The following SLC8A3 variants were observed in gnomAD, a reference collection of about 807,000 sequenced individuals.
SLC8A3 encodes the protein solute carrier family 8 member A3, also known as sodium/calcium exchanger 3.
A neutral mutation model predicts 65.4 loss-of-function variants in SLC8A3; 37 were observed. The ratio of observed to expected loss-of-function variants is 0.57; its 90% CI spans 0.44 to 0.74. SLC8A3 has a LOEUF of 0.74. Among genes scored for constraint, SLC8A3 ranks in the 30% least tolerant of loss-of-function variants. The pLI is 0.00. For missense variants in SLC8A3, 1,112 were observed against 1,172.1 expected, an observed-to-expected ratio of 0.95 and a Z score of 0.75; for synonymous variants, 461 against 444.5, an observed-to-expected ratio of 1.04 and a Z score of -0.47.
intron 1 of SLC8A3, among the ~76,000 whole-genome samples, chr14:70,170,132 T>A (rs577964183): frequency 6.6e-6 from 1 of 152,144 alleles, no homozygotes; most frequent in African/African-American, 2.4e-5. Flanking sequence ...CTTAAGCATA[T>A]CGCTCCCCTG....
chr14:70,101,800 T>C (rs1892569509), intron 2 of SLC8A3, among the ~76,000 whole-genome samples: 1 of 152,240 alleles, frequency 6.6e-6, no homozygotes, highest in African/African-American at 2.4e-5. Flanking sequence ...AAGCAATTAC[T>C]ACACAATTGT....
intron 3 of SLC8A3, among the ~76,000 whole-genome samples, chr14:70,056,312 G>T (rs1341388660): frequency 4.6e-5 from 7 of 152,162 alleles, no homozygotes; most frequent in Admixed American, 3.9e-4. Flanking sequence ...TGCAAGAGTG[G>T]AACAGTGCCC....
intron 2 of SLC8A3, among the ~76,000 whole-genome samples, chr14:70,071,875 T>C (rs1318218671): frequency 2.0e-5 from 3 of 152,208 alleles, no homozygotes; most frequent in Non-Finnish European, 2.9e-5. Context: ...CACCATCTAT[T>C]TTGTGAACAA....
At chr14:70,147,353 C>G (rs1269176305) in intron 2 of SLC8A3, among the ~76,000 whole-genome samples, 1 of 152,168 alleles carries the variant, frequency 6.6e-6, no homozygotes, top group East Asian at 1.9e-4. Flanking sequence ...AGAGATTAGT[C>G]AATTTGCCTG....
intron 3 of SLC8A3, among the ~76,000 whole-genome samples, chr14:70,053,223 T>G (rs10139843): frequency 0.068 from 10,373 of 152,244 alleles, 402 homozygotes; most frequent in Non-Finnish European, 0.09. Flanking sequence ...GGTGGCCACT[T>G]TTGGAAACAA....
At chr14:70,162,885 A>G (rs1344231835) in intron 2 of SLC8A3, among the ~76,000 whole-genome samples, 3 of 152,210 alleles carry the variant, frequency 2.0e-5, no homozygotes, top group African/African-American at 4.8e-5. Context: ...GTCACTACTA[A>G]GTCCTTAATG....
intron 2 of SLC8A3, among the ~76,000 whole-genome samples, chr14:70,138,265 T>C (rs149759235): frequency 0.018 from 2,674 of 152,254 alleles, 47 homozygotes; most frequent in South Asian, 0.052. Flanking sequence ...TTTCGATAAC[T>C]AGAATGTAAG....
At chr14:70,108,704 T>C (rs1286779689) in intron 2 of SLC8A3, among the ~76,000 whole-genome samples, 1 of 152,238 alleles carries the variant, frequency 6.6e-6, no homozygotes, top group Non-Finnish European at 1.5e-5. Context: ...TCTTCCATCC[T>C]TAGATAAAGT....
intron 2 of SLC8A3, among the ~76,000 whole-genome samples, chr14:70,070,862 C>T (rs140078837): frequency 9.1e-4 from 138 of 152,272 alleles, no homozygotes; most frequent in African/African-American, 3.2e-3. Flanking sequence ...TGATTTGGAA[C>T]GGTTGCTTTC....
intron 2 of SLC8A3, among the ~76,000 whole-genome samples, chr14:70,152,055 A>G (rs10146074): frequency 0.13 from 19,754 of 152,138 alleles, 1,363 homozygotes; most frequent in Middle Eastern, 0.17. Context: ...CAGCTTGCCA[A>G]TGGCATTTTG....
chr14:70,184,823 C>T (rs1883050094), intron 1 of SLC8A3, among the ~76,000 whole-genome samples: 1 of 152,140 alleles, frequency 6.6e-6, no homozygotes, highest in Non-Finnish European at 1.5e-5. Flanking sequence ...ATATTTATTG[C>T]ATCAATGGCT....
Position 70,113,900 on chromosome 14 carries a change from AG to A in SLC8A3, c.1784+52738del, listed in dbSNP as rs913512755. On this transcript the variant is annotated intron_variant, in intron 2 of 6. Coordinates refer to ENST00000356921, the MANE Select transcript of SLC8A3 (RefSeq NM_182932.3). ...CAGCAGCCTAACCTGACAGTAGCCTAGGGGACATTTTTTTTTCCTGATGTTC... is the reference window on the plus strand; with the variant it reads ...CAGCAGCCTAACCTGACAGTAGCCTAGGGACATTTTTTTTTCCTGATGTTC... Among the ~76,000 whole-genome samples, 64 of 23,200 alleles carry A rather than the reference AG, an allele frequency of 2.8e-3. No individual in the cohort carries two copies. The South Asian group carries it at 0.16, about 59-fold the overall frequency. 15.2% of individuals were successfully genotyped at this position (23,200 alleles called of 152,430 possible).
chr14:70,174,583 G>A lies in SLC8A3; in HGVS notation c.-62-6099C>T, dbSNP rs1897748993. On this transcript the variant is annotated intron_variant, in intron 1 of 6. Coordinates refer to ENST00000356921, the MANE Select transcript of SLC8A3 (RefSeq NM_182932.3). Reference sequence around the variant, plus strand: ...AAGCTAGGAGGGGGTGGTAGGAAGAGGGGACCAGGGAAAAGTCAAGGAGAG... The same window carrying A: ...AAGCTAGGAGGGGGTGGTAGGAAGAAGGGACCAGGGAAAAGTCAAGGAGAG... Among the ~76,000 whole-genome samples, 3 of 151,404 alleles carry A rather than the reference G, an allele frequency of 2.0e-5. No individual in the cohort carries two copies. The South Asian group carries it at 6.3e-4, about 32-fold the overall frequency.
intron 1 of SLC8A3, among the ~76,000 whole-genome samples, chr14:70,177,044 T>C (rs1420068829): frequency 1.3e-5 from 2 of 152,258 alleles, no homozygotes; most frequent in Non-Finnish European, 2.9e-5. Flanking sequence ...CACTGAATTA[T>C]GCTGAGAAGG....
chr14:70,067,115 C>A (rs1042282479), intron 2 of SLC8A3, among the ~76,000 whole-genome samples: 1 of 152,170 alleles, frequency 6.6e-6, no homozygotes, highest in Non-Finnish European at 1.5e-5. Flanking sequence ...ACACACTGGT[C>A]TTCCCAGTCC....
intron 2 of SLC8A3, among the ~76,000 whole-genome samples, chr14:70,062,888 G>A (rs1012850821): frequency 2.0e-5 from 3 of 152,170 alleles, no homozygotes; most frequent in Non-Finnish European, 4.4e-5. Context: ...TGTGACAACA[G>A]GCATGTACTG....
intron 6 of SLC8A3, chr14:70,047,990 T>G (rs1886987317): frequency 6.6e-6 from 1 of 152,296 alleles, no homozygotes; most frequent in African/African-American, 2.4e-5. Context: ...AAACTCCACG[T>G]GGAGAAGGAA....
intron 1 of SLC8A3, among the ~76,000 whole-genome samples, chr14:70,171,656 T>A (rs1470093790): frequency 6.6e-6 from 1 of 152,014 alleles, no homozygotes; most frequent in African/African-American, 2.4e-5. Context: ...CAAAATTAGC[T>A]GGGCGTGGTG....
chr14:70,163,290 A>G (rs1896986736), intron 2 of SLC8A3, among the ~76,000 whole-genome samples: 1 of 152,250 alleles, frequency 6.6e-6, no homozygotes. Context: ...AGTTACTGGT[A>G]AGTGATGGAT....
Sources: allele counts gnomAD v4.1 joint callset (sites outside exome capture counted in the v4.1 genomes callset), GRCh38; gene constraint gnomAD v4.1.1; transcripts MANE v1.5; gene names NCBI Gene and HGNC (gene_info 2026-07-23, HGNC 2026-07-21).